The following DAB1 variants were observed in gnomAD, a reference collection of about 807,000 sequenced individuals.
DAB1 encodes DAB adaptor protein 1.
In DAB1, 15 loss-of-function variants were observed where a neutral mutation model predicts 64.6. The ratio of observed to expected loss-of-function variants is 0.23; its 90% CI spans 0.16 to 0.36. The LOEUF (loss-of-function observed/expected upper bound fraction) is 0.36. Ranked by LOEUF, DAB1 falls within the 10% of genes least tolerant of loss-of-function variation. DAB1 has a pLI of 1.00. For missense variants in DAB1, 596 were observed against 706.7 expected (o/e 0.84, Z 1.78); for synonymous variants, 235 against 251.9 (o/e 0.93, Z 0.64).
At chr1:57,292,151 G>T (rs185581222) in intron 1 of DAB1, among the ~76,000 whole-genome samples, 1 of 152,136 alleles carries the variant, frequency 6.6e-6, no homozygotes, top group Non-Finnish European at 1.5e-5. Flanking sequence ...TCCCACAGAT[G>T]TAGAATGGTT....
intron 6 of DAB1, among the ~76,000 whole-genome samples, chr1:57,664,260 A>G (rs1646421062): frequency 6.6e-6 from 1 of 152,334 alleles, no homozygotes; most frequent in African/African-American, 2.4e-5. Context: ...GACCAACTTG[A>G]TGTAGACAAA....
At chr1:58,511,856 CT>C (rs1484136825) in intron 2 of DAB1, among the ~76,000 whole-genome samples, 1 of 152,022 alleles carries the variant, frequency 6.6e-6, no homozygotes, top group African/African-American at 2.4e-5. Context: ...TGACTTTGGT[CT>C]TGGCAATGAT....
chr1:57,116,113 T>C (rs1292179995), intron 4 of DAB1, among the ~76,000 whole-genome samples: 1 of 152,048 alleles, frequency 6.6e-6, no homozygotes, highest in Non-Finnish European at 1.5e-5. Flanking sequence ...CCAAAAACTG[T>C]TGGGGACACG....
intron 6 of DAB1, among the ~76,000 whole-genome samples, chr1:57,797,375 C>A (rs994230049): frequency 2.0e-5 from 3 of 152,184 alleles, no homozygotes; most frequent in African/African-American, 7.2e-5. Context: ...AGTTTACAAG[C>A]CTATTGTCTT....
intron 6 of DAB1, among the ~76,000 whole-genome samples, chr1:57,678,759 C>CAGT (rs1215827470): frequency 2.2e-5 from 2 of 89,130 alleles, no homozygotes; most frequent in African/African-American, 9.8e-5. Context: ...AGTGAGGCAA[C>CAGT]TGTTTTTTGT....
chr1:57,155,142 A>G (rs962558487), intron 2 of DAB1, among the ~76,000 whole-genome samples: 4 of 152,210 alleles, frequency 2.6e-5, no homozygotes, highest in African/African-American at 9.7e-5. Flanking sequence ...GTTTTCTTGT[A>G]GAAGTTTAAT....
chr1:58,415,458 T>C (rs1032819667), intron 3 of DAB1: 1 of 244,110 alleles, frequency 4.1e-6, no homozygotes, highest in African/African-American at 2.3e-5. Context: ...TCAAAGTCCC[T>C]GGCTGCCCTT....
chr1:57,915,654 C>G (rs1644716009), intron 5 of DAB1, among the ~76,000 whole-genome samples: 1 of 152,100 alleles, frequency 6.6e-6, no homozygotes, highest in African/African-American at 2.4e-5. Flanking sequence ...AGAAAAAGCC[C>G]CACTCAGGAT....
chr1:57,779,800 G>A (rs1022758048), intron 6 of DAB1, among the ~76,000 whole-genome samples: 19 of 152,066 alleles, frequency 1.2e-4, no homozygotes, highest in Non-Finnish European at 2.6e-4. Context: ...CTGATGCTAA[G>A]TCTGAAAACT....
intron 7 of DAB1, among the ~76,000 whole-genome samples, chr1:57,523,812 C>G (rs1644559455): frequency 6.6e-6 from 1 of 151,964 alleles, no homozygotes; most frequent in East Asian, 1.9e-4. Context: ...GTAGTCCCAG[C>G]AATCTGGGAG....
At chr1:58,242,891 GA>G (rs71580860) in intron 4 of DAB1, among the ~76,000 whole-genome samples, 42 of 148,238 alleles carry the variant, frequency 2.8e-4, no homozygotes, top group African/African-American at 4.2e-4. Context: ...GGAGAAGCAG[GA>G]AAAAAAAAAT....
exon 3 of DAB1, chr1:58,506,159 G>A (rs3087585): frequency 0.26 from 225,331 of 870,968 alleles, 31,680 homozygotes; most frequent in African/African-American, 0.42. Context: ...GGCTATCAAC[G>A]AACTCCATTT....
intron 4 of DAB1, among the ~76,000 whole-genome samples, chr1:58,301,628 C>T (rs989542131): frequency 6.6e-6 from 1 of 152,112 alleles, no homozygotes; most frequent in Non-Finnish European, 1.5e-5. Flanking sequence ...TTTCCCTCCT[C>T]TCAGTATCTT....
chr1:58,140,700 T>A (rs1347612654), intron 5 of DAB1, among the ~76,000 whole-genome samples: 1 of 152,200 alleles, frequency 6.6e-6, no homozygotes, highest in Non-Finnish European at 1.5e-5. Flanking sequence ...TTGTTCTGTT[T>A]CCCTAAGGTC....
chr1:57,607,127 A>T (rs1322012835), intron 7 of DAB1, among the ~76,000 whole-genome samples: 1 of 152,092 alleles, frequency 6.6e-6, no homozygotes, highest in Non-Finnish European at 1.5e-5. Flanking sequence ...TGAATCATTA[A>T]ATCAGTTTGG....
At chr1:57,006,375 T>A (rs1308170730) in intron 14 of DAB1, among the ~76,000 whole-genome samples, 1 of 152,236 alleles carries the variant, frequency 6.6e-6, no homozygotes, top group African/African-American at 2.4e-5. Context: ...CTTGTGTTCC[T>A]TAGCACAGTG....
At chr1:57,410,256 T>C (rs1446926196) in intron 1 of DAB1, among the ~76,000 whole-genome samples, 1 of 152,056 alleles carries the variant, frequency 6.6e-6, no homozygotes, top group Middle Eastern at 3.2e-3. Context: ...CCCCCTCTAC[T>C]GTAAAAAAAG....
intron 6 of DAB1, among the ~76,000 whole-genome samples, chr1:57,697,102 G>C (rs1336110011): frequency 6.6e-6 from 1 of 152,086 alleles, no homozygotes; most frequent in Admixed American, 6.5e-5. Context: ...TTGTAATGAG[G>C]CTGTCTTTCT....
chr1:58,118,960 C>T (rs1341554998), intron 5 of DAB1, among the ~76,000 whole-genome samples: 1 of 152,042 alleles, frequency 6.6e-6, no homozygotes, highest in East Asian at 1.9e-4. Flanking sequence ...GCACATGTGA[C>T]TAGTTCAATA....
Sources: allele counts gnomAD v4.1 joint callset (sites outside exome capture counted in the v4.1 genomes callset), GRCh38; gene constraint gnomAD v4.1.1; transcripts MANE v1.5; gene names NCBI Gene and HGNC (gene_info 2026-07-23, HGNC 2026-07-21).